VIPR1: variants seen among roughly 807,000 people sequenced by gnomAD.
The protein encoded by VIPR1 is vasoactive intestinal peptide receptor 1.
In VIPR1, 59 loss-of-function variants were observed where a neutral mutation model predicts 58.8. The observed-to-expected ratio is 1.00, with a 90% confidence interval of 0.81 to 1.25. The LOEUF is 1.25. Among genes scored for constraint, VIPR1 ranks in the 50% most tolerant of loss-of-function variants. The pLI, the probability that VIPR1 is intolerant of heterozygous loss-of-function variation, is 0.00. For synonymous variants in VIPR1, 251 were observed against 242.1 expected (o/e 1.04, Z -0.34); for missense variants, 626 against 602.7 (o/e 1.04, Z -0.40).
At chr3:42,528,349 G>A in intron 6 of VIPR1, 1 of 601,468 alleles carries the variant, frequency 1.7e-6, no homozygotes, top group Non-Finnish European at 2.9e-6. Context: ...GGTGCTCACA[G>A]ACCTGCCGCC....
At chr3:42,498,371 CT>C (rs1699806639), upstream of VIPR1, among the ~76,000 whole-genome samples, 1 of 152,208 alleles carries the variant, frequency 6.6e-6, no homozygotes, top group South Asian at 2.1e-4. Context: ...TTGGCAAAGA[CT>C]TTTTCAGATC....
chr3:42,495,184 T>TGC (rs1308621568), intron 1 of VIPR1, among the ~76,000 whole-genome samples: 2 of 152,234 alleles, frequency 1.3e-5, no homozygotes, highest in Non-Finnish European at 2.9e-5. Context: ...TGCAGTGGCA[T>TGC]GATCTCGGCT....
At chr3:42,529,417 A>G (rs1701404863) in intron 6 of VIPR1, 1 of 147,014 alleles carries the variant, frequency 6.8e-6, no homozygotes, top group African/African-American at 2.6e-5. Flanking sequence ...ATGAGCCGAG[A>G]TCATGCCATT....
At chr3:42,506,875 C>T (rs1459208584) in intron 1 of VIPR1, 1 of 151,850 alleles carries the variant, frequency 6.6e-6, no homozygotes. Context: ...AATCTCTCCA[C>T]CACGTGTATA....
intron 1 of VIPR1, among the ~76,000 whole-genome samples, chr3:42,510,896 G>A (rs1700331802): frequency 6.6e-6 from 1 of 152,072 alleles, no homozygotes; most frequent in Non-Finnish European, 1.5e-5. Context: ...TACCCTCAGA[G>A]AGTCGCAAGC....
intron 4 of VIPR1, among the ~76,000 whole-genome samples, chr3:42,526,498 G>A (rs2125667940): frequency 6.6e-6 from 1 of 152,336 alleles, no homozygotes; most frequent in Admixed American, 6.5e-5. Flanking sequence ...TAAGGACATT[G>A]ATGGGGAGGC....
At chr3:42,527,937 TG>T in intron 5 of VIPR1, 53 bp from the exon 6 acceptor site, 1 of 1,597,572 alleles carries the variant, frequency 6.3e-7, no homozygotes, top group South Asian at 1.1e-5. Flanking sequence ...CAGCATTGGC[TG>T]GGGTGGGGAT....
intron 3 of VIPR1, among the ~76,000 whole-genome samples, chr3:42,520,946 G>A (rs985183103): frequency 2.0e-5 from 3 of 152,042 alleles, no homozygotes; most frequent in Non-Finnish European, 2.9e-5. Flanking sequence ...CCTCCTCCAG[G>A]GACACCCAGT....
chr3:42,501,268 G>A (rs1203349379), upstream of VIPR1, among the ~76,000 whole-genome samples: 1 of 151,998 alleles, frequency 6.6e-6, no homozygotes, highest in Non-Finnish European at 1.5e-5. This position sits in a 1 kb window ranked among gnomAD's most constrained non-coding sequence, Gnocchi z 4.8. Flanking sequence ...CCCCATGGCA[G>A]CATCCCAACG....
chr3:42,521,315 G>T (rs76877544), intron 3 of VIPR1: 1 of 152,156 alleles, frequency 6.6e-6, no homozygotes, highest in Admixed American at 6.5e-5. Context: ...TATGCCTACC[G>T]GCCAGGTGCC....
intron 7 of VIPR1, 105 bp from the exon 8 acceptor site, chr3:42,531,366 C>G: frequency 8.1e-7 from 1 of 1,230,212 alleles, no homozygotes; most frequent in Non-Finnish European, 1.2e-6. Flanking sequence ...CCACCCTTTT[C>G]TCTCTCCCTC....
chr3:42,536,194 G>T lies in VIPR1; in HGVS notation c.1287G>T (p.Thr429=). The change falls in exon 13 of 13, where the codon ACG becomes ACT. Residue 429 remains threonine (T), a synonymous_variant. Transcript: ENST00000325123. ...CGTCGGGAGGCAGCAACGGCGCCAC[G>T]TGCAGCACGCAGGTTTCCATGCTGA... ...RHPSGGSNGA[T]CSTQVSMLTR... 5 of 1,601,570 alleles carry T rather than the reference G, an allele frequency of 3.1e-6. No homozygotes were observed. The highest frequency in any genetic ancestry group is 4.3e-6 in the Non-Finnish European group (5 of 1,175,062).
chr3:42,530,608 A>G (rs951259246), intron 6 of VIPR1, 171 bp from the exon 7 acceptor site: 21 of 729,774 alleles, frequency 2.9e-5, no homozygotes, highest in African/African-American at 8.9e-5. Flanking sequence ...AGGATCTAAA[A>G]TTAGGGAAAA....
intron 2 of VIPR1, 108 bp from the exon 3 acceptor site, chr3:42,519,115 G>A (rs1383133874): frequency 1.1e-6 from 1 of 876,836 alleles, no homozygotes; most frequent in Non-Finnish European, 1.6e-6. Context: ...TCCTTGAGGT[G>A]GGAGCCTGGC....
intron 4 of VIPR1, 60 bp downstream of exon 4, chr3:42,526,053 T>C: frequency 6.7e-7 from 1 of 1,482,654 alleles, no homozygotes; most frequent in Non-Finnish European, 9.2e-7. Context: ...TAGGAGACTT[T>C]GATCTCTCCC....
At position 42,536,361 on chromosome 3, in the gene VIPR1, G is replaced by T; in HGVS notation, c.*80G>T. On this transcript the variant is annotated 3_prime_UTR_variant, in exon 13 of 13. Transcript: ENST00000325123. Reference sequence around the variant, plus strand: ...CGGCAGACGCCGGGGACAGAGGCCTGCCCGGGCGCGGCCAGCCCCGGCCCT... The same window carrying T: ...CGGCAGACGCCGGGGACAGAGGCCTTCCCGGGCGCGGCCAGCCCCGGCCCT... The T allele has an allele frequency of 7.1e-7, 1 of 1,409,074 alleles. No homozygotes were observed. Among genetic ancestry groups the T allele is most frequent in the South Asian group, 1.5e-5 (1 of 65,998 alleles). 87.3% of individuals were successfully genotyped at this position (1,409,074 alleles called of 1,614,324 possible).
intron 10 of VIPR1, 150 bp from the exon 11 acceptor site, chr3:42,534,825 G>C (rs1701755903): frequency 9.7e-6 from 10 of 1,033,058 alleles, no homozygotes; most frequent in Non-Finnish European, 1.1e-5. Context: ...GCAGACAAGG[G>C]CATAATATTC....
Position 42,530,937 on chromosome 3 carries a change from G to A in VIPR1, c.790+5G>A. 1 of 1,613,870 alleles carries A rather than the reference G, an allele frequency of 6.2e-7. No homozygotes were observed. Among genetic ancestry groups the A allele is most frequent in the South Asian group, 1.1e-5 (1 of 91,066 alleles). On this transcript the variant is annotated splice_donor_5th_base_variant and intron_variant, in intron 7 of 12. Transcript: ENST00000325123. The stretch of plus-strand genomic sequence containing the variant: ...GGTACATACTCATCGGCTGGGGTAT[G>A]GTACCAGGGAGGGCTTCCAGGCTGG...
chr3:42,518,261 T>C (rs892145013), intron 2 of VIPR1, among the ~76,000 whole-genome samples: 3 of 152,094 alleles, frequency 2.0e-5, no homozygotes, highest in African/African-American at 7.2e-5. Flanking sequence ...TGCAGACTGA[T>C]GGACACAGGT....
Sources: gnomAD v4.1 joint callset for allele counts (sites outside exome capture counted in the v4.1 genomes callset) on GRCh38, gnomAD v4.1.1 for gene constraint, Gnocchi (gnomAD v3.1) non-coding constraint, MANE v1.5 for transcripts, NCBI Gene and HGNC (gene_info 2026-07-23, HGNC 2026-07-21) for gene names.